The following FUBP1 variants were observed in gnomAD, a reference collection of about 807,000 sequenced individuals.
FUBP1 encodes far upstream element binding protein 1.
In FUBP1, 16 loss-of-function variants were observed where a neutral mutation model predicts 94.9. That is an observed-to-expected ratio of 0.17 (90% CI 0.11 to 0.26). The LOEUF is 0.26. Among genes scored for constraint, FUBP1 ranks in the 10% least tolerant of loss-of-function variants. FUBP1 has a pLI of 1.00. For synonymous variants in FUBP1, 279 were observed against 254.9 expected, an observed-to-expected ratio of 1.09 and a Z score of -0.90; for missense variants, 583 against 808.6, an observed-to-expected ratio of 0.72 and a Z score of 3.38.
chr1:77,965,284 C>G, intron 7 of FUBP1, 53 bp from the exon 8 acceptor site: 1 of 1,234,676 alleles, frequency 8.1e-7, no homozygotes, highest in Non-Finnish European at 1.2e-6. Flanking sequence ...CAAGCTTATT[C>G]AAATAGAGAA....
Position 77,965,117 on chromosome 1 carries a change from C to T in FUBP1, c.588G>A (p.Lys196=), listed in dbSNP as rs1430168305. Residue 196 remains lysine (K), a synonymous_variant, in exon 8 of 20, where the codon AAG becomes AAA. Transcript: ENST00000370768. ...CCCCTTTTCCAATGACTAATCCTGC[C>T]TTGCTAGCTGGAATCATGATTTCTT... The part of the protein sequence containing the change: ...AVQEIMIPAS[K]AGLVIGKGGE... 6.2e-7 allele frequency: 1 copy of T among 1,612,662 alleles called. No individual in the cohort carries two copies. Among genetic ancestry groups the T allele is most frequent in the Non-Finnish European group, 8.5e-7 (1 of 1,178,808 alleles).
At chr1:77,968,565 T>TG (rs773634462) in intron 2 of FUBP1, among the ~76,000 whole-genome samples, 51 of 150,638 alleles carry the variant, frequency 3.4e-4, no homozygotes, top group Non-Finnish European at 6.6e-4. Context: ...AACTGAAGAC[T>TG]GGGGGGAGAA....
At chr1:77,949,536 A>T (rs1052694001) in intron 18 of FUBP1, among the ~76,000 whole-genome samples, 3 of 152,140 alleles carry the variant, frequency 2.0e-5, no homozygotes, top group African/African-American at 7.2e-5. Context: ...TGTTTTATTT[A>T]AAATATTCAT....
At chr1:77,954,261 T>C (rs946908785) in intron 18 of FUBP1, among the ~76,000 whole-genome samples, 1 of 152,152 alleles carries the variant, frequency 6.6e-6, no homozygotes, top group African/African-American at 2.4e-5. Context: ...GTTCAGAAAA[T>C]AAATTATGTA....
Position 77,974,280 on chromosome 1 carries a change from C to T in FUBP1, c.121-4265G>A, listed in dbSNP as rs541055222. On this transcript the variant is annotated intron_variant, in intron 1 of 19. Transcript: ENST00000370768. Reference sequence around the variant, plus strand: ...TCTCCTGAGTAGCTGGGACTACAGGCGCCCACTACTCCCGGCTAATTTTTT... The same window carrying T: ...TCTCCTGAGTAGCTGGGACTACAGGTGCCCACTACTCCCGGCTAATTTTTT... 3.2e-4 allele frequency among the ~76,000 whole-genome samples: 48 copies of T among 151,966 alleles called. 1 individual carries two copies. In the South Asian group the frequency reaches 8.5e-3, roughly 27 times the overall value.
intron 18 of FUBP1, among the ~76,000 whole-genome samples, chr1:77,954,224 T>A (rs935301890): frequency 2.0e-5 from 3 of 152,206 alleles, no homozygotes; most frequent in African/African-American, 7.2e-5. Flanking sequence ...ATTAATAGCA[T>A]CCCTATTCAT....
intron 7 of FUBP1, among the ~76,000 whole-genome samples, chr1:77,966,424 T>C (rs968962774): frequency 3.3e-5 from 5 of 152,190 alleles, no homozygotes; most frequent in African/African-American, 1.2e-4. Flanking sequence ...GACCTGACTG[T>C]GCATTCTTCT....
At chr1:77,967,777 C>G in intron 3 of FUBP1, 111 bp from the exon 4 acceptor site, 1 of 684,722 alleles carries the variant, frequency 1.5e-6, no homozygotes, top group Non-Finnish European at 2.4e-6. Flanking sequence ...AATGCACAGA[C>G]AACACCTTGA....
At chr1:77,954,944 T>G (rs1654170631) in intron 18 of FUBP1, among the ~76,000 whole-genome samples, 1 of 152,202 alleles carries the variant, frequency 6.6e-6, no homozygotes, top group Non-Finnish European at 1.5e-5. Context: ...AATTTTCGCC[T>G]GACACATTAA....
intron 14 of FUBP1, 127 bp downstream of exon 14, chr1:77,962,643 A>G: frequency 7.3e-6 from 4 of 549,058 alleles, no homozygotes; most frequent in Non-Finnish European, 9.6e-6. Flanking sequence ...TCTATTATAC[A>G]TATCATGAAA....
chr1:77,970,426 A>G lies in FUBP1; in HGVS notation c.121-411T>C, dbSNP rs540109111. ...AGCCACTAGCCATATGTGGTTATTG[A>G]GTACTCAAAATGTGACTAGTCTGAA... On this transcript the variant is annotated intron_variant, in intron 1 of 19. Coordinates refer to ENST00000370768, the MANE Select transcript of FUBP1 (RefSeq NM_003902.5). 7.2e-5 allele frequency among the ~76,000 whole-genome samples: 11 copies of G among 152,354 alleles called. No individual in the cohort carries two copies. In the East Asian group the frequency reaches 2.1e-3, roughly 29 times the overall value.
Position 77,960,220 on chromosome 1 carries a change from A to G in FUBP1, c.1540T>C (p.Tyr514His). The G allele has an allele frequency of 6.2e-7, 1 of 1,612,842 alleles. No homozygotes were observed. Among genetic ancestry groups the G allele is most frequent in the Non-Finnish European group, 8.5e-7 (1 of 1,179,338 alleles). ...PYAPQGWGNA[Y>H]PHWQQQAPPD... ...GGAGCCTGCTGCTGCCAGTGTGGATATGCATTTCCCCATCCCTGGGGAGCA... is the reference window on the plus strand; with the variant it reads ...GGAGCCTGCTGCTGCCAGTGTGGATGTGCATTTCCCCATCCCTGGGGAGCA... Residue 514 changes from tyrosine to histidine, a missense_variant, in exon 16 of 20, where the codon TAT (tyrosine) becomes CAT (histidine). Transcript: ENST00000370768.
In FUBP1 at chr1:77,947,605, A is replaced by T; in HGVS notation, c.*1161T>A. On this transcript the variant is annotated 3_prime_UTR_variant, in exon 20 of 20. Transcript: ENST00000370768. ...GTATTTGCATGTAGTCTAATATATT[A>T]ATATGCAAAGAGCCAACAAATATGC... 1 of 1,140,182 alleles carries T rather than the reference A, an allele frequency of 8.8e-7. No homozygotes were observed. The highest frequency in any genetic ancestry group is 1.2e-6 in the Non-Finnish European group (1 of 833,352). 70.6% of individuals were successfully genotyped at this position (1,140,182 alleles called of 1,614,324 possible). A position where few individuals can be genotyped will look rare whatever the true frequency, so the allele number is the denominator to read the frequency against.
At chr1:77,970,994 T>C (rs1229379713) in intron 1 of FUBP1, among the ~76,000 whole-genome samples, 1 of 151,786 alleles carries the variant, frequency 6.6e-6, no homozygotes, top group Admixed American at 6.6e-5. Context: ...AGTGCACCAA[T>C]ATCATGCCCC....
At chr1:77,962,740 C>A (rs2102372909) in intron 14 of FUBP1, 30 bp downstream of exon 14, 2 of 1,524,140 alleles carry the variant, frequency 1.3e-6, no homozygotes, top group Non-Finnish European at 1.8e-6. Context: ...AGGGTCTACA[C>A]TAAAAATTAA....
intron 19 of FUBP1, 73 bp from the exon 20 acceptor site, chr1:77,948,847 T>C (rs1457871561): frequency 6.3e-7 from 1 of 1,595,696 alleles, no homozygotes; most frequent in South Asian, 1.1e-5. Flanking sequence ...AATTCAGGAG[T>C]GAATCCTTTA....
chr1:77,975,860 T>C lies in FUBP1; in HGVS notation c.120+3025A>G, dbSNP rs528275224. Among the ~76,000 whole-genome samples, 108 of 151,990 alleles carry C rather than the reference T, an allele frequency of 7.1e-4. 1 individual carries two copies. Among genetic ancestry groups the C allele is most frequent in the Non-Finnish European group, 1.2e-3 (82 of 67,982 alleles). ...TCAGGATATTATAAAAATCTAAAAA[T>C]TTCACATAAAAGCCAGAAAAAAAAA... On this transcript the variant is annotated intron_variant, in intron 1 of 19. Transcript: ENST00000370768.
intron 18 of FUBP1, among the ~76,000 whole-genome samples, chr1:77,951,884 C>A (rs1180786188): frequency 6.6e-6 from 1 of 152,160 alleles, no homozygotes; most frequent in African/African-American, 2.4e-5. Flanking sequence ...CTCCTTTAGG[C>A]TTAAGGTACC....
Position 77,948,691 on chromosome 1 carries a change from C to A in FUBP1, c.*75G>T. 6.5e-7 allele frequency: 1 copy of A among 1,532,322 alleles called. No homozygotes were observed. Among genetic ancestry groups the A allele is most frequent in the South Asian group, 1.3e-5 (1 of 76,458 alleles). The allele number at this position is 1,532,322 out of a possible 1,614,324, so 94.9% of individuals were successfully genotyped here. On this transcript the variant is annotated 3_prime_UTR_variant, in exon 20 of 20. Transcript: ENST00000370768. ...AACAAAATTAAGATCTTCATCAAGT[C>A]GTCTGCATCCATATATTTAACAAAG...
Sources: allele counts gnomAD v4.1 joint callset (sites outside exome capture counted in the v4.1 genomes callset), GRCh38; gene constraint gnomAD v4.1.1; transcripts MANE v1.5; gene names NCBI Gene and HGNC (gene_info 2026-07-23, HGNC 2026-07-21).